F11: variants seen among roughly 807,000 people sequenced by gnomAD.
F11 encodes coagualtion factor XI.
In F11, 78 loss-of-function variants were observed where a neutral mutation model predicts 76.5. The observed-to-expected ratio is 1.02, with a 90% CI of 0.85 to 1.23. The LOEUF (loss-of-function observed/expected upper bound fraction) is 1.23, where lower values mean the gene tolerates loss of function less well. Ranked by LOEUF, F11 falls within the 50% of genes most tolerant of loss-of-function variation. The pLI is 0.00. For synonymous variants in F11, 278 were observed against 276.3 expected (o/e 1.01, Z -0.06); for missense variants, 742 against 771.4 (o/e 0.96, Z 0.45).
chr4:186,290,261 A>G (rs1741478833), downstream of F11, among the ~76,000 whole-genome samples: 1 of 152,190 alleles, frequency 6.6e-6, no homozygotes, highest in African/African-American at 2.4e-5. Flanking sequence ...ACAACAACAA[A>G]CAAAAAACCC....
chr4:186,286,661 C>A, intron 13 of F11, 151 bp downstream of exon 13: 1 of 1,475,492 alleles, frequency 6.8e-7, no homozygotes, highest in Non-Finnish European at 9.0e-7. Context: ...AAAAATCACC[C>A]AAGTGAGGCT....
chr4:186,275,590 C>G (rs1163631380), intron 5 of F11, among the ~76,000 whole-genome samples, 197 bp from the exon 6 acceptor site: 1 of 152,170 alleles, frequency 6.6e-6, no homozygotes, highest in African/African-American at 2.4e-5. Flanking sequence ...TGTCATTATA[C>G]TGAAGAAGAA....
In F11 at chr4:186,280,516, T is replaced by C. The variant is rs1462434386; in HGVS notation, c.1071T>C (p.Thr357=). The change falls in exon 10 of 15, where the codon ACT becomes ACC. Residue 357 remains threonine, a synonymous_variant. Transcript: ENST00000403665. ...AGCTTTCTTCAAACGGATCTCCAAC[T>C]AAAATACTTCACGGGAGAGGAGGCA... is the stretch of plus-strand genomic sequence containing the variant. ...YLKLSSNGSP[T]KILHGRGGIS... is the part of the protein sequence containing the mutation. 3 of 1,614,174 alleles carry C rather than the reference T, an allele frequency of 1.9e-6. No homozygotes were observed. The highest frequency in any genetic ancestry group is 2.2e-5 in the South Asian group (2 of 91,082).
At chr4:186,283,127 C>A in intron 10 of F11, 1 of 798,158 alleles carries the variant, frequency 1.3e-6, no homozygotes, top group Non-Finnish European at 1.5e-6. Context: ...AGGACCCACA[C>A]AGATGTTACT....
rs1361625528 is a variant in F11 at position 186,286,429 on chromosome 4, A to C, written c.1495A>C (p.Ile499Leu). The change falls in exon 13 of 15, where the codon ATA (isoleucine) becomes CTA (leucine). Residue 499 changes from isoleucine to leucine, a missense_variant. By Grantham distance (5) the Ile-to-Leu change is conservative (BLOSUM62 2). Coordinates refer to ENST00000403665, the MANE Select transcript of F11 (RefSeq NM_000128.4). The part of the protein sequence containing the change: ...TVNYTDSQRP[I>L]CLPSKGDRNV... ...TTTAAATTTAGATTCTCAACGACCC[A>C]TATGCCTGCCTTCCAAAGGAGATAG... 1 of 1,614,000 alleles carries C rather than the reference A, an allele frequency of 6.2e-7. No individual in the cohort carries two copies. The highest frequency in any genetic ancestry group is 8.5e-7 in the Non-Finnish European group (1 of 1,179,916).
chr4:186,278,580 G>A (rs1326548765), intron 7 of F11, among the ~76,000 whole-genome samples: 1 of 152,120 alleles, frequency 6.6e-6, no homozygotes, highest in African/African-American at 2.4e-5. Flanking sequence ...GTTGGACCAC[G>A]GATTGTGAAG....
At chr4:186,274,395 A>C (rs778233045) in intron 5 of F11, 120 bp downstream of exon 5, 1 of 1,288,672 alleles carries the variant, frequency 7.8e-7, no homozygotes, top group Non-Finnish European at 1.1e-6. Context: ...ACATTTCTAT[A>C]ATAGTACTCC....
chr4:186,288,438 C>A lies in F11; in HGVS notation c.1717-15C>A. 6.2e-7 allele frequency: 1 copy of A among 1,614,002 alleles called. No individual in the cohort carries two copies. Among genetic ancestry groups the A allele is most frequent in the Non-Finnish European group, 8.5e-7 (1 of 1,179,908 alleles). On this transcript the variant is annotated splice_polypyrimidine_tract_variant and intron_variant, in intron 14 of 14. Coordinates refer to ENST00000403665, the MANE Select transcript of F11 (RefSeq NM_000128.4). ...AGTTGATCTGTGCACCTTTTCTTGT[C>A]TCCCCTCGTTCTAGGGAGATTCGGG... is the stretch of plus-strand genomic sequence containing the variant.
chr4:186,284,121 G>C lies in F11; in HGVS notation c.1165G>C (p.Val389Leu). ...TACCACCAAAATCAAGCCCAGGATCGTTGGAGGAACTGCGTCTGTTCGTGG... is the reference window on the plus strand; with the variant it reads ...TACCACCAAAATCAAGCCCAGGATCCTTGGAGGAACTGCGTCTGTTCGTGG... Reference protein sequence around the residue: ...ECTTKIKPRIVGGTASVRGEW... With the variant: ...ECTTKIKPRILGGTASVRGEW... The change falls in exon 11 of 15, where the codon GTT becomes CTT. Residue 389 changes from valine (V) to leucine (L), a missense_variant. Transcript: ENST00000403665. 6.2e-7 allele frequency: 1 copy of C among 1,614,216 alleles called. No homozygotes were observed. The highest frequency in any genetic ancestry group is 8.5e-7 in the Non-Finnish European group (1 of 1,180,044).
intron 7 of F11, among the ~76,000 whole-genome samples, chr4:186,278,631 G>A (rs1740556623): frequency 6.6e-6 from 1 of 152,176 alleles, no homozygotes; most frequent in Non-Finnish European, 1.5e-5. Flanking sequence ...CAAGGAACTG[G>A]AAAGATGGAA....
intron 7 of F11, among the ~76,000 whole-genome samples, chr4:186,276,604 T>TTTG (rs1561484235): frequency 8.8e-6 from 1 of 112,996 alleles, no homozygotes; most frequent in African/African-American, 3.2e-5. Context: ...TTTTTTTTTT[T>TTTG]GAGATGGAGT....
At chr4:186,269,426 G>A (rs560975141) in intron 2 of F11, among the ~76,000 whole-genome samples, 46 of 152,306 alleles carry the variant, frequency 3.0e-4, no homozygotes, top group Admixed American at 1.2e-3. Context: ...TAAAAAGAAA[G>A]GAAATTCTGA....
In F11 at chr4:186,273,095, T is replaced by C. The variant is rs1740100063; in HGVS notation, c.243T>C (p.Ser81=). ...TRWFTCVLKD[S]VTETLPRVNR... ...GGTTTACTTGTGTCCTGAAAGACAG[T>C]GTTACAGAAACACTGCCAAGAGTGA... Residue 81 remains serine (S), a synonymous_variant, in exon 4 of 15, where the codon AGT becomes AGC. Coordinates refer to ENST00000403665, the MANE Select transcript of F11 (RefSeq NM_000128.4). 1 of 1,613,374 alleles carries C rather than the reference T, an allele frequency of 6.2e-7. No individual in the cohort carries two copies. Among genetic ancestry groups the C allele is most frequent in the Non-Finnish European group, 8.5e-7 (1 of 1,179,374 alleles).
Position 186,273,069 on chromosome 4 carries a change from A to G in F11, c.219-2A>G. The stretch of plus-strand genomic sequence containing the variant: ...ATTAATATGTATTTTTTAAAAAAAC[A>G]GGTTTACTTGTGTCCTGAAAGACAG... On this transcript the variant is annotated splice_acceptor_variant, in intron 3 of 14. Coordinates refer to ENST00000403665, the MANE Select transcript of F11 (RefSeq NM_000128.4). LOFTEE classifies it high-confidence loss of function. The G allele has an allele frequency of 6.3e-7, 1 of 1,596,840 alleles. No individual in the cohort carries two copies. The highest frequency in any genetic ancestry group is 1.1e-5 in the South Asian group (1 of 90,488).
intron 10 of F11, among the ~76,000 whole-genome samples, chr4:186,281,225 C>T (rs1271355655): frequency 6.6e-6 from 1 of 152,172 alleles, no homozygotes; most frequent in Non-Finnish European, 1.5e-5. Context: ...GTAATCTTTC[C>T]TATTATCCTT....
intron 3 of F11, 76 bp from the exon 4 acceptor site, chr4:186,272,995 G>C: frequency 1.0e-6 from 1 of 955,624 alleles, no homozygotes; most frequent in Non-Finnish European, 1.6e-6. Context: ...TTGGCTTTCT[G>C]TGTGCTGACT....
intron 13 of F11, 66 bp from the exon 14 acceptor site, chr4:186,287,618 A>C: frequency 1.2e-6 from 1 of 840,584 alleles, no homozygotes; most frequent in Non-Finnish European, 1.9e-6. Context: ...ATTTATATGT[A>C]TGCATATATG....
At position 186,275,217 on chromosome 4, in the gene F11, G is replaced by A. The variant is rs770898468; in HGVS notation, c.486-570G>A. The A allele has an allele frequency of 2.9e-5, 13 of 455,988 alleles. No homozygotes were observed. The East Asian group carries it at 4.2e-4, about 15-fold the overall frequency. 28.2% of individuals were successfully genotyped at this position (455,988 alleles called of 1,614,324 possible). A position where few individuals can be genotyped will look rare whatever the true frequency, so the allele number is the denominator to read the frequency against. ...AAAAGTAAGAAGGACTTAGCCAGGC[G>A]CGGTGGCTCACACCTGTAATCCCAG... On this transcript the variant is annotated intron_variant, in intron 5 of 14. Transcript: ENST00000403665.
intron 7 of F11, among the ~76,000 whole-genome samples, chr4:186,278,452 T>C (rs1448233326): frequency 6.6e-6 from 1 of 152,218 alleles, no homozygotes; most frequent in Non-Finnish European, 1.5e-5. Flanking sequence ...AGGCTGGGGA[T>C]ACCATTTAGT....
Sources: allele counts gnomAD v4.1 joint callset (sites outside exome capture counted in the v4.1 genomes callset), GRCh38; gene constraint gnomAD v4.1.1; transcripts MANE v1.5; gene names NCBI Gene and HGNC (gene_info 2026-07-23, HGNC 2026-07-21).